Variants in IST1 observed in about 807,000 individuals in gnomAD.
IST1 encodes the protein IST1 homolog.
A neutral mutation model predicts 37.0 loss-of-function variants in IST1; 23 were observed. The ratio of observed to expected loss-of-function variants is 0.62; its 90% CI spans 0.45 to 0.88. The LOEUF is 0.88. Among genes scored for constraint, IST1 ranks in the 40% least tolerant of loss-of-function variants. IST1 has a pLI of 0.00. For synonymous variants in IST1, 180 were observed against 161.7 expected (o/e 1.11, Z -0.86); for missense variants, 488 against 445.4 (o/e 1.10, Z -0.86).
At chr16:71,899,628 C>T (rs888423908) in intron 1 of IST1, among the ~76,000 whole-genome samples, 7 of 152,200 alleles carry the variant, frequency 4.6e-5, no homozygotes, top group African/African-American at 9.7e-5. Flanking sequence ...GTAATCCCAG[C>T]ACTCTGGGAG....
At chr16:71,920,348 A>G in intron 4 of IST1, among the ~76,000 whole-genome samples, 1 of 152,232 alleles carries the variant, frequency 6.6e-6, no homozygotes, top group East Asian at 1.9e-4. Flanking sequence ...AGCACAAAGC[A>G]AGGAGGCTTG....
intron 1 of IST1, among the ~76,000 whole-genome samples, chr16:71,912,881 C>T (rs1567467005): frequency 6.6e-6 from 1 of 152,168 alleles, no homozygotes; most frequent in Non-Finnish European, 1.5e-5. Context: ...ATTTCACTTA[C>T]CATGATGTCC....
At chr16:71,922,784 A>G in intron 7 of IST1, 104 bp downstream of exon 7, 2 of 921,990 alleles carry the variant, frequency 2.2e-6, no homozygotes, top group Non-Finnish European at 3.4e-6. Context: ...AGCCATTAGC[A>G]GTAAGAACAT....
intron 1 of IST1, among the ~76,000 whole-genome samples, chr16:71,913,684 A>G (rs1288003131): frequency 6.6e-6 from 1 of 151,022 alleles, no homozygotes; most frequent in African/African-American, 2.4e-5. Context: ...TATTTTTTGT[A>G]AAGATGGGGT....
chr16:71,916,484 G>A lies in IST1; in HGVS notation c.111G>A (p.Arg37=), dbSNP rs2037469348. ...TAGCGGAACTGGCCCAGAAAGCAAG[G>A]AAGGAGATTGCTGACTATCTGGCTG... ...KKKTELAQKA[R]KEIADYLAAG... is the part of the protein sequence containing the mutation. Residue 37 remains arginine (R), a synonymous_variant, in exon 3 of 10, where the codon AGG becomes AGA. Transcript: ENST00000378799. 1 of 1,612,692 alleles carries A rather than the reference G, an allele frequency of 6.2e-7. No homozygotes were observed. The highest frequency in any genetic ancestry group is 1.7e-5 in the Admixed American group (1 of 60,010).
At position 71,913,181 on chromosome 16, in the gene IST1, A is replaced by G. The variant is rs191171035; in HGVS notation, c.-15-2445A>G. ...TAATTTTAATTTTTGAGGAACCGCC[A>G]TACTGTCTTTCCATAATGGTTGTAC... On this transcript the variant is annotated intron_variant, in intron 1 of 9. Transcript: ENST00000378799. Among the ~76,000 whole-genome samples the G allele has an allele frequency of 1.6e-4, 24 of 152,234 alleles. No individual in the cohort carries two copies. The East Asian group carries it at 2.3e-3, about 15-fold the overall frequency.
At chr16:71,910,292 C>T (rs2037320728) in intron 1 of IST1, among the ~76,000 whole-genome samples, 1 of 151,928 alleles carries the variant, frequency 6.6e-6, no homozygotes, top group Non-Finnish European at 1.5e-5. Context: ...GTCACTTAGC[C>T]CTCTTGGATA....
chr16:71,895,426 G>A (rs750256213), upstream of IST1: 9 of 763,910 alleles, frequency 1.2e-5, no homozygotes, highest in Non-Finnish European at 1.4e-5. Flanking sequence ...CGTGGGTCCC[G>A]GCAGCGGCGA....
At chr16:71,904,852 TTTAA>T (rs1294001930) in intron 1 of IST1, among the ~76,000 whole-genome samples, 2 of 152,242 alleles carry the variant, frequency 1.3e-5, no homozygotes, top group Non-Finnish European at 2.9e-5. Flanking sequence ...ATATCTGTCT[TTTAA>T]TTGTGTTTAT....
upstream of IST1, chr16:71,894,830 C>T (rs1368849910): frequency 6.5e-7 from 1 of 1,533,836 alleles, no homozygotes; most frequent in East Asian, 2.4e-5. Context: ...GCTTAAGCAG[C>T]GATAATGGTT....
At chr16:71,895,860 C>A (rs12102548) in intron 1 of IST1, among the ~76,000 whole-genome samples, 2 of 152,128 alleles carry the variant, frequency 1.3e-5, no homozygotes, top group African/African-American at 4.8e-5. Context: ...CCTCGAAGCC[C>A]CTTAACTTTC....
At chr16:71,919,107 C>T (rs958612000) in intron 4 of IST1, among the ~76,000 whole-genome samples, 2 of 152,204 alleles carry the variant, frequency 1.3e-5, no homozygotes, top group African/African-American at 4.8e-5. Context: ...AACACAGCTC[C>T]GATCCTGTCA....
At chr16:71,911,543 A>G (rs762410180) in intron 1 of IST1, among the ~76,000 whole-genome samples, 2 of 152,124 alleles carry the variant, frequency 1.3e-5, no homozygotes, top group Admixed American at 1.3e-4. Context: ...AAAACAAACA[A>G]AACACCAAAA....
intron 1 of IST1, among the ~76,000 whole-genome samples, chr16:71,905,918 G>A (rs186266955): frequency 4.9e-3 from 738 of 151,590 alleles, no homozygotes; most frequent in Non-Finnish European, 8.9e-3. Flanking sequence ...GATATTCGCC[G>A]TTTCTGTAAC....
intron 6 of IST1, 183 bp downstream of exon 6, chr16:71,921,636 G>T: frequency 1.9e-6 from 1 of 534,490 alleles, no homozygotes; most frequent in Non-Finnish European, 3.3e-6. Context: ...TTAGATGAAT[G>T]ACAACACTTT....
chr16:71,917,854 T>C (rs2142572719), intron 4 of IST1, among the ~76,000 whole-genome samples: 1 of 152,336 alleles, frequency 6.6e-6, no homozygotes, highest in South Asian at 2.1e-4. Flanking sequence ...CTGAGGATAT[T>C]AATTATGGTT....
chr16:71,896,033 G>A (rs1198186714), intron 1 of IST1, among the ~76,000 whole-genome samples: 1 of 152,232 alleles, frequency 6.6e-6, no homozygotes, highest in Non-Finnish European at 1.5e-5. Context: ...CTCCAGTCCG[G>A]GCCGCTTCCA....
At chr16:71,901,305 C>A (rs2037102854) in intron 1 of IST1, among the ~76,000 whole-genome samples, 1 of 152,118 alleles carries the variant, frequency 6.6e-6, no homozygotes, top group Non-Finnish European at 1.5e-5. Context: ...GCTCCACCTC[C>A]CGGGTTCACG....
chr16:71,906,400 T>C (rs2037225001), intron 1 of IST1, among the ~76,000 whole-genome samples: 1 of 151,916 alleles, frequency 6.6e-6, no homozygotes, highest in African/African-American at 2.4e-5. Context: ...CTCTACCTAC[T>C]GTGTTCAAGC....
Sources: allele counts gnomAD v4.1 joint callset (sites outside exome capture counted in the v4.1 genomes callset), GRCh38; gene constraint gnomAD v4.1.1; transcripts MANE v1.5; gene names NCBI Gene and HGNC (gene_info 2026-07-23, HGNC 2026-07-21).